The following ACOT7 variants were observed in gnomAD, a reference collection of about 807,000 sequenced individuals.
ACOT7 encodes the protein cytosolic acyl coenzyme A thioester hydrolase.
ACOT7 carries 12 observed loss-of-function variants against 40.2 expected under a neutral mutation model. The ratio of observed to expected loss-of-function variants is 0.30; its 90% CI spans 0.19 to 0.48. The LOEUF (loss-of-function observed/expected upper bound fraction) is 0.48, where lower values mean the gene tolerates loss of function less well. ACOT7 is among the 20% of genes least tolerant of loss of function. ACOT7 has a pLI of 0.99. For missense variants in ACOT7, 395 were observed against 530.8 expected (o/e 0.74, Z 2.51); for synonymous variants, 228 against 219.5 (o/e 1.04, Z -0.34).
chr1:6,328,781 G>A (rs1032914173), intron 4 of ACOT7, among the ~76,000 whole-genome samples: 3 of 152,242 alleles, frequency 2.0e-5, no homozygotes, highest in African/African-American at 4.8e-5. Context: ...TTTCTTGGAC[G>A]TAACAGACGG....
At chr1:6,367,442 C>A (rs764830987) in intron 1 of ACOT7, among the ~76,000 whole-genome samples, 10 of 152,166 alleles carry the variant, frequency 6.6e-5, no homozygotes, top group Non-Finnish European at 8.8e-5. Flanking sequence ...CCCATGCCTG[C>A]CAAGGACAAG....
At chr1:6,284,974 C>T (rs1441058019) in intron 7 of ACOT7, among the ~76,000 whole-genome samples, 1 of 152,246 alleles carries the variant, frequency 6.6e-6, no homozygotes, top group African/African-American at 2.4e-5. Flanking sequence ...CCCCCTCCAC[C>T]ACACCCCCTC....
chr1:6,264,891 C>A (rs1390578988), intron 8 of ACOT7, among the ~76,000 whole-genome samples, 196 bp from the exon 9 acceptor site: 1 of 152,168 alleles, frequency 6.6e-6, no homozygotes, highest in East Asian at 1.9e-4. Flanking sequence ...TGTCCCACCT[C>A]GCTGATGGGC....
chr1:6,305,034 C>T (rs1211694828), intron 6 of ACOT7, among the ~76,000 whole-genome samples: 5 of 149,480 alleles, frequency 3.3e-5, no homozygotes, highest in East Asian at 2.0e-4. Context: ...CTGACCCCCC[C>T]GCCTCCCTCC....
At chr1:6,339,122 GC>G (rs904831708) in intron 3 of ACOT7, among the ~76,000 whole-genome samples, 2 of 152,172 alleles carry the variant, frequency 1.3e-5, no homozygotes, top group Non-Finnish European at 2.9e-5. Flanking sequence ...CCCGCGCCCA[GC>G]CCCTGCCATG....
chr1:6,377,682 C>T (rs887473038), intron 1 of ACOT7, among the ~76,000 whole-genome samples: 1 of 152,148 alleles, frequency 6.6e-6, no homozygotes, highest in Non-Finnish European at 1.5e-5. Context: ...AAAAGCAATT[C>T]CATTGTAAAA....
chr1:6,315,744 G>A lies in ACOT7; in HGVS notation c.712+2748C>T, dbSNP rs1291412725. ...CCAGCCTGGGTGGGCGACAGAGTGA[G>A]ACTCTGTCTAAAAAAAAAAAAAAAA... On this transcript the variant is annotated intron_variant, in intron 6 of 8. Coordinates refer to ENST00000361521, the MANE Select transcript of ACOT7 (RefSeq NM_007274.4). 5.6e-5 allele frequency among the ~76,000 whole-genome samples: 6 copies of A among 107,678 alleles called. No individual in the cohort carries two copies. The East Asian group carries it at 8.7e-4, about 16-fold the overall frequency. 70.6% of individuals were successfully genotyped at this position (107,678 alleles called of 152,430 possible).
At chr1:6,316,941 T>C (rs1444493814) in intron 6 of ACOT7, among the ~76,000 whole-genome samples, 1 of 152,014 alleles carries the variant, frequency 6.6e-6, no homozygotes, top group African/African-American at 2.4e-5. Context: ...TATGATCCAA[T>C]CCCTGCTCCT....
intron 6 of ACOT7, among the ~76,000 whole-genome samples, chr1:6,302,853 G>A (rs1640010303): frequency 6.6e-6 from 1 of 152,030 alleles, no homozygotes; most frequent in African/African-American, 2.4e-5. Flanking sequence ...TGTCCTGCGT[G>A]TAAAGACTGC....
Position 6,331,621 on chromosome 1 carries a change from G to A in ACOT7, c.510+1856C>T, listed in dbSNP as rs140112841. On this transcript the variant is annotated intron_variant, in intron 4 of 8. Coordinates refer to ENST00000361521, the MANE Select transcript of ACOT7 (RefSeq NM_007274.4). ...TATGAGACCTCGGACTCCACACCCC[G>A]ACCCTGAGCCCCCGCCCACTGGCCA... is the stretch of plus-strand genomic sequence containing the variant. Among the ~76,000 whole-genome samples, 190 of 152,298 alleles carry A rather than the reference G, an allele frequency of 1.2e-3. 1 individual carries two copies. The highest frequency in any genetic ancestry group is 4.3e-3 in the African/African-American group (178 of 41,556).
chr1:6,287,456 T>G (rs1639536029), intron 7 of ACOT7, among the ~76,000 whole-genome samples: 1 of 152,260 alleles, frequency 6.6e-6, no homozygotes, highest in East Asian at 1.9e-4. Flanking sequence ...CCTGTCTCAC[T>G]GGGCTGTGTG....
chr1:6,273,453 G>A (rs181568729), intron 8 of ACOT7, among the ~76,000 whole-genome samples: 1 of 152,338 alleles, frequency 6.6e-6, no homozygotes. Flanking sequence ...GCTAAATGCA[G>A]GCAAAAGGAA....
At position 6,339,936 on chromosome 1, in the gene ACOT7, C is replaced by T. The variant is rs907276491; in HGVS notation, c.262-347G>A. The stretch of plus-strand genomic sequence containing the variant: ...CGAGTAGCTGGGACTACAGCCACCA[C>T]GCCCAGCTAATTTTTTGTTTTTTTG... On this transcript the variant is annotated intron_variant, in intron 2 of 8. Coordinates refer to ENST00000361521, the MANE Select transcript of ACOT7 (RefSeq NM_007274.4). Among the ~76,000 whole-genome samples, 678 of 146,608 alleles carry T rather than the reference C, an allele frequency of 4.6e-3. 2 individuals carry two copies. Among genetic ancestry groups the T allele is most frequent in the African/African-American group, 0.016 (624 of 38,042 alleles).
intron 6 of ACOT7, among the ~76,000 whole-genome samples, chr1:6,308,596 G>C (rs1039050579): frequency 4.6e-5 from 7 of 151,044 alleles, no homozygotes; most frequent in African/African-American, 1.7e-4. Context: ...ACTGGGCAGA[G>C]GGAACTACAA....
intron 1 of ACOT7, among the ~76,000 whole-genome samples, chr1:6,370,131 T>C (rs1642100546): frequency 6.6e-6 from 1 of 152,160 alleles, no homozygotes; most frequent in African/African-American, 2.4e-5. Context: ...GGAGAACTAA[T>C]AGTTAAAAGG....
At chr1:6,369,167 G>A (rs1642077885) in intron 1 of ACOT7, among the ~76,000 whole-genome samples, 1 of 151,514 alleles carries the variant, frequency 6.6e-6, no homozygotes, top group South Asian at 2.1e-4. Context: ...TATTAGTAGA[G>A]ACGAGGTTTC....
At chr1:6,305,242 CG>C (rs1451183089) in intron 6 of ACOT7, among the ~76,000 whole-genome samples, 7 of 145,268 alleles carry the variant, frequency 4.8e-5, no homozygotes, top group South Asian at 2.2e-4. Context: ...GCGGGCCGGG[CG>C]GGGGGCTGAC....
intron 1 of ACOT7, among the ~76,000 whole-genome samples, chr1:6,389,892 G>A (rs1008592353): frequency 2.0e-5 from 3 of 152,188 alleles, no homozygotes; most frequent in African/African-American, 7.2e-5. Context: ...ACCCCTGCTA[G>A]ACTGTGACCC....
In ACOT7 at chr1:6,281,193, C is replaced by T. The variant is rs775787329; in HGVS notation, c.923G>A (p.Ser308Asn). The change falls in exon 8 of 9, where the codon AGC becomes AAC. Residue 308 changes from serine to asparagine, a missense_variant. By Grantham distance (46) the Ser-to-Asn change is conservative (BLOSUM62 1). Coordinates refer to ENST00000361521, the MANE Select transcript of ACOT7 (RefSeq NM_007274.4). ...GGCGGCCCGGTAGCGCTTCTGAGAG[C>T]TGTCCACAACAGGGTCGGCGTCCAC... ...VLVDADPVVD[S>N]SQKRYRAASA... The T allele has an allele frequency of 1.2e-6, 2 of 1,614,172 alleles. No individual in the cohort carries two copies. The highest frequency in any genetic ancestry group is 2.2e-5 in the South Asian group (2 of 91,086).
Sources: gnomAD v4.1 joint callset for allele counts (sites outside exome capture counted in the v4.1 genomes callset) on GRCh38, gnomAD v4.1.1 for gene constraint, MANE v1.5 for transcripts, NCBI Gene and HGNC (gene_info 2026-07-23, HGNC 2026-07-21) for gene names.